SMC4: variants seen among roughly 807,000 people sequenced by gnomAD.
SMC4 encodes structural maintenance of chromosomes protein 4.
A neutral mutation model predicts 145.6 loss-of-function variants in SMC4; 87 were observed. That is an observed-to-expected ratio of 0.60 (90% CI 0.50 to 0.71). The LOEUF (loss-of-function observed/expected upper bound fraction) is 0.71. Ranked by LOEUF, SMC4 falls within the 30% of genes least tolerant of loss-of-function variation. The probability of loss-of-function intolerance (pLI) is 0.00; values close to 1 mark genes in which losing one functional copy is unlikely to be tolerated. For synonymous variants in SMC4, 558 were observed against 500.7 expected (o/e 1.11, Z -1.53); for missense variants, 1,447 against 1,537.1 (o/e 0.94, Z 0.98).
chr3:160,422,072 C>G (rs995531984), intron 13 of SMC4, among the ~76,000 whole-genome samples: 2 of 152,158 alleles, frequency 1.3e-5, no homozygotes, highest in Non-Finnish European at 2.9e-5. Flanking sequence ...AAATGGTATT[C>G]TGTTACATCA....
At chr3:160,422,013 G>A (rs780397133) in intron 13 of SMC4, among the ~76,000 whole-genome samples, 9 of 152,084 alleles carry the variant, frequency 5.9e-5, no homozygotes, top group South Asian at 4.1e-4. Flanking sequence ...AGGTTTTCAG[G>A]TTCATCTATG....
intron 7 of SMC4, 52 bp from the exon 8 acceptor site, chr3:160,413,421 G>T: frequency 1.3e-6 from 2 of 1,535,892 alleles, no homozygotes; most frequent in South Asian, 2.4e-5. Context: ...TACAGTTTTG[G>T]AAATGGCATT....
rs549227721 is a variant in SMC4 at position 160,426,483 on chromosome 3, T to C, written c.2605+283T>C. Among the ~76,000 whole-genome samples, 5 of 152,316 alleles carry C rather than the reference T, an allele frequency of 3.3e-5. No individual in the cohort carries two copies. The East Asian group carries it at 9.6e-4, about 29-fold the overall frequency. ...ACTTTGTATACTTTGGCCCTAATCT[T>C]TCCAAAACCCCTTCAAGATAGTGGT... On this transcript the variant is annotated intron_variant, in intron 17 of 23. Coordinates refer to ENST00000357388, the MANE Select transcript of SMC4 (RefSeq NM_001002800.3).
At chr3:160,429,202 G>C (rs1407416985) in intron 18 of SMC4, among the ~76,000 whole-genome samples, 2 of 152,120 alleles carry the variant, frequency 1.3e-5, no homozygotes, top group Non-Finnish European at 2.9e-5. Flanking sequence ...TGAGGGCATA[G>C]AAATCAGTTT....
intron 7 of SMC4, chr3:160,412,965 G>C (rs867207976): frequency 2.5e-5 from 6 of 240,408 alleles, no homozygotes; most frequent in African/African-American, 1.2e-4. Flanking sequence ...TTTTGAGATG[G>C]GCTGTTTCAC....
chr3:160,402,234 C>T, intron 3 of SMC4, 141 bp downstream of exon 3: 1 of 536,078 alleles, frequency 1.9e-6, no homozygotes, highest in Admixed American at 4.0e-5. Context: ...CTGTCTCTCT[C>T]TCTCACACAC....
chr3:160,423,359 GTT>G, intron 13 of SMC4, 64 bp from the exon 14 acceptor site: 5 of 405,194 alleles, frequency 1.2e-5, no homozygotes, highest in East Asian at 4.2e-5. Context: ...GTTTTTTTTT[GTT>G]TTTTTTTTTG....
Position 160,402,014 on chromosome 3 carries a change from C to T in SMC4, c.239C>T (p.Pro80Leu). The change falls in exon 3 of 24, where the codon CCT (proline) becomes CTT (leucine). Residue 80 changes from proline (P) to leucine (L), a missense_variant. Physicochemically the swap from Pro to Leu is moderately conservative, Grantham distance 98. Transcript: ENST00000357388. The part of the protein sequence containing the change: ...PPAMTNEAGA[P>L]RLMITHIVNQ... ...GCAATGACCAATGAAGCTGGAGCTC[C>T]TCGGCTTATGATAACTCATATTGTA... 6.2e-7 allele frequency: 1 copy of T among 1,601,928 alleles called. No homozygotes were observed. Among genetic ancestry groups the T allele is most frequent in the Non-Finnish European group, 8.5e-7 (1 of 1,175,096 alleles).
chr3:160,410,611 ATAAT>A (rs564409059), intron 5 of SMC4, among the ~76,000 whole-genome samples: 2 of 152,240 alleles, frequency 1.3e-5, no homozygotes, highest in African/African-American at 2.4e-5. Context: ...TTTTACTTTG[ATAAT>A]CATTGTGCTT....
At chr3:160,428,232 C>T (rs1718008869) in intron 17 of SMC4, among the ~76,000 whole-genome samples, 1 of 152,222 alleles carries the variant, frequency 6.6e-6, no homozygotes, top group African/African-American at 2.4e-5. Flanking sequence ...TAAATTATGT[C>T]TAAACCCTAG....
At chr3:160,405,487 G>A (rs1463770264) in intron 5 of SMC4, among the ~76,000 whole-genome samples, 1 of 151,920 alleles carries the variant, frequency 6.6e-6, no homozygotes, top group African/African-American at 2.4e-5. Flanking sequence ...TAGGGTGACT[G>A]GATGTTCCTA....
In SMC4 at chr3:160,401,933, T is replaced by C. The variant is rs755372874; in HGVS notation, c.158T>C (p.Leu53Pro). ...ATAAETASEE[L>P]DNRSLEEILN... is the part of the protein sequence containing the mutation. Reference sequence around the variant, plus strand: ...GACTTAGAGACTGCAAGTGAGGAACTTGATAATAGAAGTTTAGAAGAGATT... The same window carrying C: ...GACTTAGAGACTGCAAGTGAGGAACCTGATAATAGAAGTTTAGAAGAGATT... The change falls in exon 3 of 24, where the codon CTT becomes CCT. Residue 53 changes from leucine (L) to proline (P), a missense_variant. Coordinates refer to ENST00000357388, the MANE Select transcript of SMC4 (RefSeq NM_001002800.3). 1 of 1,599,702 alleles carries C rather than the reference T, an allele frequency of 6.3e-7. No individual in the cohort carries two copies. The highest frequency in any genetic ancestry group is 1.7e-5 in the Admixed American group (1 of 57,884).
intron 12 of SMC4, 114 bp from the exon 13 acceptor site, chr3:160,420,626 A>T: frequency 9.3e-7 from 1 of 1,079,682 alleles, no homozygotes; most frequent in Non-Finnish European, 1.4e-6. Context: ...TGTTCTCTTT[A>T]AAACCATGTC....
Position 160,432,362 on chromosome 3 carries a change from A to G in SMC4, c.3377A>G (p.Asp1126Gly). The G allele has an allele frequency of 6.2e-7, 1 of 1,614,056 alleles. No individual in the cohort carries two copies. The highest frequency in any genetic ancestry group is 1.1e-5 in the South Asian group (1 of 91,044). Reference protein sequence around the residue: ...ERDSFRQAYEDLRKQRLNEFM... With the variant: ...ERDSFRQAYEGLRKQRLNEFM... ...GACAGTTTTAGACAGGCATATGAAGATCTTCGGAAACAAAGGCTTAATGAA... is the reference window on the plus strand; with the variant it reads ...GACAGTTTTAGACAGGCATATGAAGGTCTTCGGAAACAAAGGCTTAATGAA... Residue 1126 changes from aspartate (D) to glycine (G), a missense_variant, in exon 22 of 24, where the codon GAT becomes GGT. Physicochemically the swap from Asp to Gly is moderately conservative, Grantham distance 94. Coordinates refer to ENST00000357388, the MANE Select transcript of SMC4 (RefSeq NM_001002800.3).
chr3:160,421,096 A>T (rs1008512439), intron 13 of SMC4, among the ~76,000 whole-genome samples, 195 bp downstream of exon 13: 9 of 151,412 alleles, frequency 5.9e-5, no homozygotes, highest in East Asian at 2.0e-4. Context: ...CACCCAGCTA[A>T]TTTTTTTGTA....
intron 2 of SMC4, 134 bp from the exon 3 acceptor site, chr3:160,401,781 C>T: frequency 1.5e-6 from 1 of 673,190 alleles, no homozygotes; most frequent in Non-Finnish European, 2.5e-6. Context: ...ATATAGACTC[C>T]TAAGTTTCAT....
chr3:160,408,803 G>A (rs977705069), intron 5 of SMC4, among the ~76,000 whole-genome samples: 1 of 152,212 alleles, frequency 6.6e-6, no homozygotes, highest in Non-Finnish European at 1.5e-5. Flanking sequence ...GAAAGGAAAT[G>A]GTAGCAAGTG....
chr3:160,408,255 G>A (rs1330397501), intron 5 of SMC4, among the ~76,000 whole-genome samples: 1 of 152,152 alleles, frequency 6.6e-6, no homozygotes, highest in Non-Finnish European at 1.5e-5. Flanking sequence ...GTTGATGCTT[G>A]CTAAAATTTG....
intron 8 of SMC4, 97 bp downstream of exon 8, chr3:160,413,710 C>A: frequency 2.8e-6 from 2 of 702,356 alleles, no homozygotes; most frequent in Admixed American, 4.1e-5. Flanking sequence ...GAGTGTAAGA[C>A]ATTTGCCAGC....
Sources: allele counts gnomAD v4.1 joint callset (sites outside exome capture counted in the v4.1 genomes callset), GRCh38; gene constraint gnomAD v4.1.1; transcripts MANE v1.5; gene names NCBI Gene and HGNC (gene_info 2026-07-23, HGNC 2026-07-21).